RYR2: variants seen among roughly 807,000 people sequenced by gnomAD.
RYR2 encodes the protein cardiac muscle ryanodine receptor-calcium release channel.
Under a neutral mutation model 601.1 loss-of-function variants are expected in RYR2, and 227 were observed. The observed-to-expected ratio is 0.38, with a 90% confidence interval of 0.34 to 0.42. RYR2 has a LOEUF of 0.42. Among genes scored for constraint, RYR2 ranks in the 10% least tolerant of loss-of-function variants. RYR2 has a pLI of 1.00. For synonymous variants in RYR2, 2,223 were observed against 2,175.1 expected, an observed-to-expected ratio of 1.02 and a Z score of -0.61; for missense variants, 4,646 against 6,156.5, an observed-to-expected ratio of 0.75 and a Z score of 8.21.
At position 237,614,698 on chromosome 1, in the gene RYR2, C is replaced by T. The variant is rs568198475; in HGVS notation, c.5570C>T (p.Pro1857Leu). 53 of 1,613,934 alleles carry T rather than the reference C, an allele frequency of 3.3e-5. No homozygotes were observed. Among genetic ancestry groups the T allele is most frequent in the East Asian group, 2.2e-4 (10 of 44,864 alleles). The part of the protein sequence containing the change: ...EPSVFKEAAT[P>L]EEESDTLEKE... ...AGTGTGTTTAAAGAAGCTGCCACTC[C>T]GGAGGAGGAGAGTGACACGCTGGAG... The change falls in exon 37 of 105, where the codon CCG becomes CTG. Residue 1857 changes from proline (P) to leucine (L), a missense_variant. By Grantham distance (98) the Pro-to-Leu change is moderately conservative. This residue lies in a region of RYR2 where 1,807 missense variants were observed against 2,088.1 expected (regional missense o/e 0.87). Transcript: ENST00000366574. The surrounding 1 kb of genome is among the most constrained non-coding windows in gnomAD (Gnocchi z 4.3).
At position 237,369,550 on chromosome 1, in the gene RYR2, G is replaced by T; in HGVS notation, c.326G>T (p.Gly109Val). 1.3e-6 allele frequency: 2 copies of T among 1,563,684 alleles called. No homozygotes were observed. Among genetic ancestry groups the T allele is most frequent in the Non-Finnish European group, 1.7e-6 (2 of 1,152,328 alleles). ...KFMMKTAQGG[G>V]HRTLLYGHAI... ...TCTCTAAAGACTGCTCAAGGTGGTG[G>T]TCATCGAACACTCCTCTACGGACAT... Residue 109 changes from glycine (G) to valine (V), a missense_variant, in exon 6 of 105, where the codon GGT (glycine) becomes GTT (valine). This residue lies in a region of RYR2 where 153 missense variants were observed against 203.6 expected (regional missense o/e 0.75). Transcript: ENST00000366574.
At chr1:237,749,430 T>G (rs1692354473) in intron 80 of RYR2, among the ~76,000 whole-genome samples, 1 of 118,518 alleles carries the variant, frequency 8.4e-6, no homozygotes, top group Non-Finnish European at 2.0e-5. Flanking sequence ...CTCTAAATAT[T>G]TGCTATTATT....
chr1:237,548,534 CATA>C lies in RYR2; in HGVS notation c.3013_3015del (p.Asn1005del). The C allele has an allele frequency of 6.2e-7, 1 of 1,613,970 alleles. No homozygotes were observed. Among genetic ancestry groups the C allele is most frequent in the South Asian group, 1.1e-5 (1 of 91,074 alleles). ...GGTGGACAAGTTGGCAGAAAATGCA[CATA>C]ATGTGTGGGCGCGGGATCGAATCCG... is the stretch of plus-strand genomic sequence containing the variant. On this transcript the variant is annotated inframe_deletion, in exon 26 of 105. Transcript: ENST00000366574.
chr1:237,359,199 G>C (rs554093694), intron 4 of RYR2, among the ~76,000 whole-genome samples: 1 of 152,118 alleles, frequency 6.6e-6, no homozygotes, highest in African/African-American at 2.4e-5. Flanking sequence ...AGCTTACAGT[G>C]GGGCAACATC....
chr1:237,214,403 G>A (rs1242262267), intron 1 of RYR2, among the ~76,000 whole-genome samples: 2 of 152,078 alleles, frequency 1.3e-5, no homozygotes, highest in Non-Finnish European at 2.9e-5. Context: ...CTCTGGTCAG[G>A]GACTCAGGAA....
At chr1:237,479,413 C>T (rs561320240) in intron 17 of RYR2, among the ~76,000 whole-genome samples, 10 of 152,244 alleles carry the variant, frequency 6.6e-5, no homozygotes, top group East Asian at 1.9e-4. Context: ...GTTTTCTTTG[C>T]GATCACTGGG....
At chr1:237,206,025 G>A (rs368174935) in intron 1 of RYR2, among the ~76,000 whole-genome samples, 1 of 152,238 alleles carries the variant, frequency 6.6e-6, no homozygotes, top group East Asian at 1.9e-4. Flanking sequence ...AGGAAGTGTG[G>A]ATGGCCACCG....
chr1:237,643,092 C>T (rs1163218268), intron 47 of RYR2, among the ~76,000 whole-genome samples: 2 of 152,210 alleles, frequency 1.3e-5, no homozygotes, highest in African/African-American at 4.8e-5. Context: ...GATGAACCAA[C>T]TGGCCTAGAC....
intron 14 of RYR2, 81 bp downstream of exon 14, chr1:237,445,603 G>A: frequency 6.5e-7 from 1 of 1,545,614 alleles, no homozygotes; most frequent in Non-Finnish European, 8.9e-7. Flanking sequence ...CAATTTAAAA[G>A]TATGCTATGA....
intron 15 of RYR2, among the ~76,000 whole-genome samples, chr1:237,455,312 A>AT (rs1658678585): frequency 6.6e-6 from 1 of 151,988 alleles, no homozygotes; most frequent in Admixed American, 6.6e-5. Flanking sequence ...CAGAATAATG[A>AT]TTTTTTTCTG....
At chr1:237,287,469 A>T (rs1269413314) in intron 2 of RYR2, among the ~76,000 whole-genome samples, 1 of 152,194 alleles carries the variant, frequency 6.6e-6, no homozygotes, top group Admixed American at 6.5e-5. Context: ...GTTGTTTAAC[A>T]TAATCCCAGA....
intron 3 of RYR2, among the ~76,000 whole-genome samples, chr1:237,340,348 T>A (rs1291415694): frequency 6.6e-6 from 1 of 152,186 alleles, no homozygotes; most frequent in East Asian, 1.9e-4. Context: ...CAGGTATGAA[T>A]AACAATGCCT....
intron 70 of RYR2, among the ~76,000 whole-genome samples, chr1:237,710,151 A>G (rs959654045): frequency 2.0e-5 from 3 of 152,220 alleles, no homozygotes; most frequent in African/African-American, 4.8e-5. Flanking sequence ...AAACCTGGAA[A>G]AGATTTTAAT....
In RYR2 at chr1:237,660,062, A is replaced by G. The variant is rs747555778; in HGVS notation, c.8286A>G (p.Leu2762=). ...AGCCATTAATGAAGCCATATAAGCT[A>G]TTGTCTGAAAAGGTAAGGATTTTTT... ...KVQPLMKPYK[L]LSEKEKEIYR... Residue 2762 remains leucine, a synonymous_variant, in exon 55 of 105, where the codon CTA becomes CTG. Coordinates refer to ENST00000366574, the MANE Select transcript of RYR2 (RefSeq NM_001035.3). 5 of 1,545,424 alleles carry G rather than the reference A, an allele frequency of 3.2e-6. No individual in the cohort carries two copies. The East Asian group carries it at 7.2e-5, about 22-fold the overall frequency.
chr1:237,486,993 CAT>C (rs1300029864), intron 17 of RYR2, among the ~76,000 whole-genome samples: 2 of 152,088 alleles, frequency 1.3e-5, no homozygotes, highest in African/African-American at 2.4e-5. Context: ...CTTATTAAAA[CAT>C]AAAATTCAAT....
At chr1:237,363,959 G>C (rs1699993808) in intron 4 of RYR2, among the ~76,000 whole-genome samples, 1 of 152,060 alleles carries the variant, frequency 6.6e-6, no homozygotes, top group Non-Finnish European at 1.5e-5. Flanking sequence ...AAATGAGTTG[G>C]GTTGCTGTTT....
chr1:237,282,788 T>C (rs566030529), intron 2 of RYR2, among the ~76,000 whole-genome samples: 4 of 151,978 alleles, frequency 2.6e-5, no homozygotes, highest in East Asian at 1.9e-4. Flanking sequence ...CTCAATAGAG[T>C]GTGATATAGA....
At chr1:237,204,353 CA>C (rs751125260) in intron 1 of RYR2, among the ~76,000 whole-genome samples, 6 of 152,160 alleles carry the variant, frequency 3.9e-5, no homozygotes, top group Non-Finnish European at 7.3e-5. Context: ...TTTTGATTCC[CA>C]TATCCTCTGT....
intron 69 of RYR2, 70 bp from the exon 70 acceptor site, chr1:237,709,410 G>A (rs1688642407): frequency 3.3e-6 from 3 of 913,920 alleles, no homozygotes; most frequent in Admixed American, 2.6e-5. Flanking sequence ...ACTTTGGGGG[G>A]ATGGTTTTTT....
Sources: allele counts gnomAD v4.1 joint callset (sites outside exome capture counted in the v4.1 genomes callset), GRCh38; gene constraint gnomAD v4.1.1; regional missense constraint gnomAD v4.1.1; non-coding constraint Gnocchi (gnomAD v3.1); transcripts MANE v1.5; gene names NCBI Gene and HGNC (gene_info 2026-07-23, HGNC 2026-07-21).